The following MICAL1 variants were observed in gnomAD, a reference collection of about 807,000 sequenced individuals.
MICAL1 encodes microtubule associated monooxygenase, calponin and LIM domain containing 1.
In MICAL1, 95 loss-of-function variants were observed where a neutral mutation model predicts 131.8. The ratio of observed to expected loss-of-function variants is 0.72; its 90% CI spans 0.61 to 0.86. The LOEUF (loss-of-function observed/expected upper bound fraction) is 0.86, where lower values mean the gene tolerates loss of function less well. MICAL1 is among the 40% of genes least tolerant of loss of function. The probability of loss-of-function intolerance (pLI) is 0.00; values close to 1 mark genes in which losing one functional copy is unlikely to be tolerated. For missense variants in MICAL1, 1,292 were observed against 1,380.6 expected (o/e 0.94, Z 1.02); for synonymous variants, 546 against 554.2 (o/e 0.99, Z 0.21).
rs33997889 is a variant in MICAL1 at position 109,452,331 on chromosome 6, G to A, written c.747C>T (p.Thr249=). 1.1e-3 allele frequency: 1,782 copies of A among 1,614,142 alleles called. 14 individuals are homozygous for A. In the African/African-American group the frequency reaches 0.018, roughly 16 times the overall value. ...TCTCCGGCACCTGTGTCTCCTCCAC[G>A]GTGCGTCCATTCACAAAGTTGGCTG... ...GITANFVNGR[T]VEETQVPEIS... is the part of the protein sequence containing the mutation. The change falls in exon 6 of 25, where the codon ACC becomes ACT. Residue 249 remains threonine (T), a synonymous_variant. Transcript: ENST00000358807.
chr6:109,454,257 G>T lies in MICAL1; in HGVS notation c.-43-18C>A. On this transcript the variant is annotated intron_variant, in intron 1 of 24. Coordinates refer to ENST00000358807, the MANE Select transcript of MICAL1 (RefSeq NM_022765.4). ...ATGAGTGGCTGGAGAGGTGGAAAAA[G>T]AAGGGGAAGAGGCTGGAGAACAGAA... is the stretch of plus-strand genomic sequence containing the variant. 6.5e-7 allele frequency: 1 copy of T among 1,537,642 alleles called. No individual in the cohort carries two copies.
intron 18 of MICAL1, 114 bp downstream of exon 18, chr6:109,446,582 G>A (rs1336596178): frequency 2.2e-6 from 3 of 1,361,304 alleles, no homozygotes; most frequent in Non-Finnish European, 3.1e-6. Context: ...TGCCTTCACA[G>A]AGCTTACATG....
intron 17 of MICAL1, 48 bp from the exon 18 acceptor site, chr6:109,446,820 T>C (rs1775248077): frequency 6.5e-7 from 1 of 1,541,800 alleles, no homozygotes; most frequent in Non-Finnish European, 8.9e-7. Context: ...GGCAGCCCAG[T>C]GCCCAGACAC....
At chr6:109,457,227 T>A (rs1175563205), upstream of MICAL1, among the ~76,000 whole-genome samples, 1 of 152,052 alleles carries the variant, frequency 6.6e-6, no homozygotes, top group African/African-American at 2.4e-5. Flanking sequence ...TTCAGCCAGG[T>A]CACGCTCAGA....
rs1775723645 is a variant in MICAL1 at position 109,455,769 on chromosome 6, G to T, written c.-94C>A. On this transcript the variant is annotated 5_prime_UTR_variant, in exon 1 of 25. Coordinates refer to ENST00000358807, the MANE Select transcript of MICAL1 (RefSeq NM_022765.4). The surrounding 1 kb of genome is among the most constrained non-coding windows in gnomAD (Gnocchi z 4.7). ...CGCTTCCTGTTGGGCTGGCAACCAGGTCTGAGCGGGTGGGAGGGCGGGGGC... is the reference window on the plus strand; with the variant it reads ...CGCTTCCTGTTGGGCTGGCAACCAGTTCTGAGCGGGTGGGAGGGCGGGGGC... 4.1e-6 allele frequency: 4 copies of T among 969,414 alleles called. No individual in the cohort carries two copies. Among genetic ancestry groups the T allele is most frequent in the Admixed American group, 7.6e-5 (1 of 13,160 alleles). 60.1% of individuals were successfully genotyped at this position (969,414 alleles called of 1,614,324 possible). A position where few individuals can be genotyped will look rare whatever the true frequency, so the allele number is the denominator to read the frequency against.
Position 109,446,231 on chromosome 6 carries a change from G to A in MICAL1, c.2486C>T (p.Pro829Leu). 6.2e-7 allele frequency: 1 copy of A among 1,606,714 alleles called. No individual in the cohort carries two copies. Among genetic ancestry groups the A allele is most frequent in the Non-Finnish European group, 8.5e-7 (1 of 1,176,990 alleles). Residue 829 changes from proline (P) to leucine (L), a missense_variant, in exon 19 of 25, where the codon CCT (proline) becomes CTT (leucine). Coordinates refer to ENST00000358807, the MANE Select transcript of MICAL1 (RefSeq NM_022765.4). ...GCAGCTGCGGGGAGGCTTGGGTGGAGGCTCCATTTCCGGGTCAGGGGTAAG... is the reference window on the plus strand; with the variant it reads ...GCAGCTGCGGGGAGGCTTGGGTGGAAGCTCCATTTCCGGGTCAGGGGTAAG... ...LNLTPDPEME[P>L]PPKPPRSCSA...
intron 1 of MICAL1, among the ~76,000 whole-genome samples, chr6:109,460,856 C>A (rs908763716): frequency 6.6e-6 from 1 of 152,072 alleles, no homozygotes; most frequent in African/African-American, 2.4e-5. Flanking sequence ...CTTAAAATAT[C>A]CTCAGTCAAA....
At chr6:109,445,912 C>T (rs772221893) in intron 19 of MICAL1, 50 bp from the exon 20 acceptor site, 1 of 1,566,750 alleles carries the variant, frequency 6.4e-7, no homozygotes, top group South Asian at 1.2e-5. Context: ...CTGCCCCAGT[C>T]AGGCAACAAA....
At position 109,446,281 on chromosome 6, in the gene MICAL1, C is replaced by T; in HGVS notation, c.2436G>A (p.Glu812=). Residue 812 remains glutamate (E), a synonymous_variant, in exon 19 of 25, where the codon GAG becomes GAA. Transcript: ENST00000358807. ...TRRQIRLSSP[E]RQRLSSLNLT... ...GGTTAAGGGAGGACAACCGCTGGCG[C>T]TCCGGGCTGGAGAGGCGGATCTGCC... is the stretch of plus-strand genomic sequence containing the variant. 1 of 1,613,682 alleles carries T rather than the reference C, an allele frequency of 6.2e-7. No homozygotes were observed. Among genetic ancestry groups the T allele is most frequent in the Non-Finnish European group, 8.5e-7 (1 of 1,179,886 alleles).
At position 109,447,094 on chromosome 6, in the gene MICAL1, A is replaced by G; in HGVS notation, c.2206T>C (p.Tyr736His). 1 of 1,614,084 alleles carries G rather than the reference A, an allele frequency of 6.2e-7. No individual in the cohort carries two copies. The highest frequency in any genetic ancestry group is 8.5e-7 in the Non-Finnish European group (1 of 1,179,998). ...TCACCATCTCCTGGGTGCTGCTCGT[A>G]GCCACCTGGCCACAGTGTGGCCTCA... Reference protein sequence around the residue: ...TCEATLWPGGYEQHPGDGHFY... With the variant: ...TCEATLWPGGHEQHPGDGHFY... Residue 736 changes from tyrosine to histidine, a missense_variant, in exon 17 of 25, where the codon TAC becomes CAC. Coordinates refer to ENST00000358807, the MANE Select transcript of MICAL1 (RefSeq NM_022765.4).
intron 16 of MICAL1, 36 bp downstream of exon 16, chr6:109,447,321 C>G: frequency 6.2e-7 from 1 of 1,614,008 alleles, no homozygotes; most frequent in Non-Finnish European, 8.5e-7. Flanking sequence ...CCTGCCCTCC[C>G]CGGGCCTCTG....
chr6:109,453,132 C>T, intron 4 of MICAL1, 131 bp downstream of exon 4: 1 of 694,966 alleles, frequency 1.4e-6, no homozygotes, highest in Non-Finnish European at 2.4e-6. Flanking sequence ...TGCACTCCAG[C>T]CTGGGTGACA....
intron 12 of MICAL1, 106 bp downstream of exon 12, chr6:109,448,626 A>G: frequency 1.3e-6 from 2 of 1,502,898 alleles, no homozygotes; most frequent in East Asian, 2.3e-5. Flanking sequence ...GAGTCTCACA[A>G]GACTGTCGGC....
chr6:109,445,883 G>C, intron 19 of MICAL1, 21 bp from the exon 20 acceptor site: 1 of 1,588,526 alleles, frequency 6.3e-7, no homozygotes, highest in African/African-American at 1.3e-5. Flanking sequence ...GAACTGAGAC[G>C]TTCTACTGCC....
chr6:109,445,696 G>C (rs939896147), intron 20 of MICAL1, 75 bp downstream of exon 20: 3 of 1,537,198 alleles, frequency 2.0e-6, no homozygotes, highest in Non-Finnish European at 2.7e-6. Context: ...CCAAGAGAAG[G>C]GTGCAGTGGA....
Position 109,453,723 on chromosome 6 carries a change from G to A in MICAL1, c.381C>T (p.Leu127=), listed in dbSNP as rs1226376998. 3 of 1,613,896 alleles carry A rather than the reference G, an allele frequency of 1.9e-6. No individual in the cohort carries two copies. Among genetic ancestry groups the A allele is most frequent in the Non-Finnish European group, 2.5e-6 (3 of 1,180,008 alleles). Residue 127 remains leucine, a synonymous_variant, in exon 3 of 25, where the codon CTC becomes CTT. Coordinates refer to ENST00000358807, the MANE Select transcript of MICAL1 (RefSeq NM_022765.4). ...GCAGGTCGTGGATGGTGAAGGGCCA[G>A]AGGTGGAGCACGTTGTGGCGAGAGA... ...TKFSRHNVLH[L]WPFTIHDLRA...
rs1285966304 is a variant in MICAL1, at chr6:109,452,610, C to T, written c.577G>A (p.Gly193Ser). The T allele has an allele frequency of 1.9e-6, 3 of 1,612,152 alleles. No individual in the cohort carries two copies. The highest frequency in any genetic ancestry group is 2.5e-6 in the Non-Finnish European group (3 of 1,179,598). The change falls in exon 5 of 25, where the codon GGC (glycine) becomes AGC (serine). Residue 193 changes from glycine to serine, a missense_variant. Gly to Ser is a moderately conservative substitution (Grantham distance 56, BLOSUM62 0). Transcript: ENST00000358807. ...GLQPPPRKGS[G>S]WRAQLQPNPP... Reference sequence around the variant, plus strand: ...TTGGGTTGGAGCTGGGCACGCCAGCCACTCCCTAGGGCAGGGGGTATGAGA... The same window carrying T: ...TTGGGTTGGAGCTGGGCACGCCAGCTACTCCCTAGGGCAGGGGGTATGAGA...
chr6:109,454,624 T>A, intron 1 of MICAL1: 1 of 236,358 alleles, frequency 4.2e-6, no homozygotes, highest in South Asian at 5.6e-5. Flanking sequence ...CAGAGCTGCC[T>A]TTGCATGCAA....
intron 1 of MICAL1, chr6:109,465,493 A>C: frequency 1.4e-6 from 1 of 704,566 alleles, no homozygotes; most frequent in Non-Finnish European, 2.3e-6. Flanking sequence ...AAACAAAAAA[A>C]CATAACTGGG....
Sources: gnomAD v4.1 joint callset for allele counts (sites outside exome capture counted in the v4.1 genomes callset) on GRCh38, gnomAD v4.1.1 for gene constraint, Gnocchi (gnomAD v3.1) non-coding constraint, MANE v1.5 for transcripts, NCBI Gene and HGNC (gene_info 2026-07-23, HGNC 2026-07-21) for gene names.